The following VDR variants were observed in gnomAD, a reference collection of about 807,000 sequenced individuals.
The protein encoded by VDR is vitamin D3 receptor.
Under a neutral mutation model 39.7 loss-of-function variants are expected in VDR, and 19 were observed. The ratio of observed to expected loss-of-function variants is 0.48; its 90% CI spans 0.33 to 0.70. The LOEUF (loss-of-function observed/expected upper bound fraction) is 0.70, where lower values mean the gene tolerates loss of function less well. VDR is among the 30% of genes least tolerant of loss of function. The probability of loss-of-function intolerance (pLI) is 0.02; values close to 1 mark genes in which losing one functional copy is unlikely to be tolerated. For missense variants in VDR, 442 were observed against 570.5 expected, an observed-to-expected ratio of 0.77 and a Z score of 2.29; for synonymous variants, 242 against 215.8, an observed-to-expected ratio of 1.12 and a Z score of -1.07.
chr12:47,881,264 CAT>C (rs971011531), intron 2 of VDR, among the ~76,000 whole-genome samples: 1 of 152,110 alleles, frequency 6.6e-6, no homozygotes, highest in African/African-American at 2.4e-5. Flanking sequence ...CAAAATAGCA[CAT>C]GTTCTCACTT....
chr12:47,853,304 G>A (rs912137371), intron 7 of VDR, among the ~76,000 whole-genome samples: 1 of 151,846 alleles, frequency 6.6e-6, no homozygotes, highest in Non-Finnish European at 1.5e-5. Context: ...TTAGCCGGGC[G>A]TAGTGGCGGG....
chr12:47,900,464 C>T (rs1010729801), intron 1 of VDR, among the ~76,000 whole-genome samples: 13 of 152,134 alleles, frequency 8.5e-5, no homozygotes, highest in Admixed American at 3.3e-4. Context: ...GAGAGGGAGT[C>T]GTGGGTTTCC....
intron 1 of VDR, 108 bp from the exon 2 acceptor site, chr12:47,882,882 G>C: frequency 1.2e-6 from 1 of 809,882 alleles, no homozygotes; most frequent in Non-Finnish European, 1.9e-6. Flanking sequence ...TTAGTCCCCA[G>C]ATCAGTGACT....
chr12:47,882,172 A>G (rs1450146223), intron 2 of VDR, among the ~76,000 whole-genome samples: 1 of 152,122 alleles, frequency 6.6e-6, no homozygotes, highest in Non-Finnish European at 1.5e-5. Flanking sequence ...GGAAGTCTCT[A>G]TGCTGGGGGT....
intron 1 of VDR, among the ~76,000 whole-genome samples, chr12:47,903,100 G>A (rs933912296): frequency 3.3e-5 from 5 of 152,202 alleles, no homozygotes; most frequent in East Asian, 3.8e-4. Flanking sequence ...GGCCTCTGCC[G>A]AAGAGGAGTA....
Position 47,846,677 on chromosome 12 carries a change from C to T in VDR, c.887G>A (p.Arg296His), listed in dbSNP as rs190607107. ...CATACCTTTGGTCACGTCACTGACG[C>T]GGTACTTGTAGTCTTGGTTGCCACA... Reference protein sequence around the residue: ...WTCGNQDYKYRVSDVTKAGHS... With the variant: ...WTCGNQDYKYHVSDVTKAGHS... The change falls in exon 8 of 10, where the codon CGC (arginine) becomes CAC (histidine). Residue 296 changes from arginine to histidine, a missense_variant. Arg to His is a conservative substitution (Grantham distance 29). Around this residue, in one of 5 missense-constraint regions of VDR, gnomAD observed 173 missense variants for 252.0 expected, o/e 0.69. Coordinates refer to ENST00000549336, the MANE Select transcript of VDR (RefSeq NM_000376.3). 17 of 1,613,936 alleles carry T rather than the reference C, an allele frequency of 1.1e-5. No individual in the cohort carries two copies. Among genetic ancestry groups the T allele is most frequent in the Middle Eastern group, 1.7e-4 (1 of 5,850 alleles).
intron 4 of VDR, among the ~76,000 whole-genome samples, chr12:47,864,171 G>A (rs374017317): frequency 6.6e-6 from 1 of 152,218 alleles, no homozygotes; most frequent in Admixed American, 6.5e-5. Flanking sequence ...AGGAATGAGT[G>A]TACAGAGAGC....
At chr12:47,850,401 A>C (rs7967152) in intron 7 of VDR, among the ~76,000 whole-genome samples, 82,963 of 152,004 alleles carry the variant, frequency 0.55, 23,030 homozygotes, top group African/African-American at 0.62. Flanking sequence ...TTGCTATCAT[A>C]GGTAATTCTG....
intron 6 of VDR, among the ~76,000 whole-genome samples, chr12:47,856,491 A>G (rs1239491018): frequency 6.6e-6 from 1 of 152,174 alleles, no homozygotes; most frequent in African/African-American, 2.4e-5. Flanking sequence ...CCAGAATACT[A>G]TGCAGCCCTT....
intron 7 of VDR, among the ~76,000 whole-genome samples, chr12:47,851,186 G>A (rs1565609719): frequency 6.6e-6 from 1 of 152,038 alleles, no homozygotes; most frequent in Non-Finnish European, 1.5e-5. Flanking sequence ...ATGTGGCCTG[G>A]TCTCTTGTGT....
rs1399149643 is a variant in VDR, at chr12:47,844,493, C to G, written c.*253G>C. 3 of 599,002 alleles carry G rather than the reference C, an allele frequency of 5.0e-6. No homozygotes were observed. In the East Asian group the frequency reaches 8.4e-5, roughly 17 times the overall value. 37.1% of individuals were successfully genotyped at this position (599,002 alleles called of 1,614,324 possible). A position where few individuals can be genotyped will look rare whatever the true frequency, so the allele number is the denominator to read the frequency against. On this transcript the variant is annotated 3_prime_UTR_variant, in exon 10 of 10. Coordinates refer to ENST00000549336, the MANE Select transcript of VDR (RefSeq NM_000376.3). ...CCTGCCTCCAGCCTCTGCCCTCTGC[C>G]CCCACTTGGGTTTCTTTGTCAAACA...
intron 4 of VDR, among the ~76,000 whole-genome samples, chr12:47,861,167 A>G (rs1225839892): frequency 6.6e-6 from 1 of 152,278 alleles, no homozygotes; most frequent in Non-Finnish European, 1.5e-5. Flanking sequence ...ATCTGGTTAT[A>G]AGCGGACTTT....
At chr12:47,893,541 G>A (rs770477822) in intron 1 of VDR, among the ~76,000 whole-genome samples, 1 of 152,228 alleles carries the variant, frequency 6.6e-6, no homozygotes, top group Non-Finnish European at 1.5e-5. Context: ...AGGGAGGTTA[G>A]TGAACAACTC....
chr12:47,868,801 TC>T (rs200258899), intron 3 of VDR, among the ~76,000 whole-genome samples: 4 of 149,978 alleles, frequency 2.7e-5, no homozygotes, highest in Non-Finnish European at 4.5e-5. Context: ...ACCGGGCATT[TC>T]GCTCTGGTCA....
intron 2 of VDR, 104 bp from the exon 3 acceptor site, chr12:47,879,219 C>G: frequency 7.2e-7 from 1 of 1,387,340 alleles, no homozygotes; most frequent in Non-Finnish European, 9.7e-7. Flanking sequence ...CCGCCCCCAC[C>G]CCCCACCACC....
chr12:47,881,128 ATATACTGTCCTTTTTACACACG>A (rs1456586798), intron 2 of VDR, among the ~76,000 whole-genome samples: 3 of 151,328 alleles, frequency 2.0e-5, no homozygotes, highest in African/African-American at 7.3e-5. Flanking sequence ...ATACACACAC[ATATACTGTCCTTTTTACACACG>A]TATACTGTCC....
rs186086786 is a variant in VDR at position 47,878,504 on chromosome 12, G to A, written c.146+464C>T. Among the ~76,000 whole-genome samples, 25 of 152,332 alleles carry A rather than the reference G, an allele frequency of 1.6e-4. No individual in the cohort carries two copies. In the East Asian group the frequency reaches 2.7e-3, roughly 16 times the overall value. On this transcript the variant is annotated intron_variant, in intron 3 of 9. Coordinates refer to ENST00000549336, the MANE Select transcript of VDR (RefSeq NM_000376.3). ...TTGGGTGAAGATATGGGTACAGATC[G>A]TGATGACCCGACAAGAGGTGCCATT... is the stretch of plus-strand genomic sequence containing the variant.
At chr12:47,846,174 C>T (rs1469283467) in intron 9 of VDR, among the ~76,000 whole-genome samples, 161 bp downstream of exon 9, 1 of 152,260 alleles carries the variant, frequency 6.6e-6, no homozygotes, top group Admixed American at 6.5e-5. Flanking sequence ...AGCGTCCACA[C>T]ACCACAGGGG....
chr12:47,862,563 A>G (rs1161972174), intron 4 of VDR, among the ~76,000 whole-genome samples: 1 of 152,258 alleles, frequency 6.6e-6, no homozygotes, highest in Non-Finnish European at 1.5e-5. Context: ...TCTGACACAC[A>G]GTAGTTGGTC....
Sources: gnomAD v4.1 joint callset for allele counts (sites outside exome capture counted in the v4.1 genomes callset) on GRCh38, gnomAD v4.1.1 for gene constraint, gnomAD v4.1.1 regional missense constraint, MANE v1.5 for transcripts, NCBI Gene and HGNC (gene_info 2026-07-23, HGNC 2026-07-21) for gene names.